MYO1B: variants seen among roughly 807,000 people sequenced by gnomAD.
MYO1B encodes myosin IB.
A neutral mutation model predicts 159.7 loss-of-function variants in MYO1B; 72 were observed. The ratio of observed to expected loss-of-function variants is 0.45; its 90% CI spans 0.37 to 0.55. The LOEUF (loss-of-function observed/expected upper bound fraction) is 0.55, where lower values mean the gene tolerates loss of function less well. Among genes scored for constraint, MYO1B ranks in the 20% least tolerant of loss-of-function variants. MYO1B has a pLI of 0.00. For synonymous variants in MYO1B, 468 were observed against 473.8 expected (o/e 0.99, Z 0.16); for missense variants, 1,062 against 1,364.8 (o/e 0.78, Z 3.50).
At chr2:191,253,628 A>G (rs973138321) in intron 1 of MYO1B, among the ~76,000 whole-genome samples, 1 of 152,220 alleles carries the variant, frequency 6.6e-6, no homozygotes, top group Non-Finnish European at 1.5e-5. Context: ...GTAACCTTAC[A>G]CATTCATATG....
chr2:191,381,414 G>C (rs371336241), intron 13 of MYO1B, 48 bp from the exon 14 acceptor site: 2 of 1,273,578 alleles, frequency 1.6e-6, no homozygotes, highest in Admixed American at 3.4e-5. Flanking sequence ...TGTTTTGAGA[G>C]AGCTAGTGGC....
chr2:191,326,406 A>C (rs1691070440), intron 3 of MYO1B, among the ~76,000 whole-genome samples: 1 of 152,026 alleles, frequency 6.6e-6, no homozygotes. Flanking sequence ...TTTTTTAAAG[A>C]AATTGAAGAT....
intron 21 of MYO1B, among the ~76,000 whole-genome samples, chr2:191,397,752 C>A (rs1696225058): frequency 6.9e-6 from 1 of 145,644 alleles, no homozygotes; most frequent in African/African-American, 2.6e-5. Flanking sequence ...GGGCTCCTCA[C>A]TTCCCAGTAG....
At chr2:191,381,441 T>G in intron 13 of MYO1B, 21 bp from the exon 14 acceptor site, 1 of 1,579,572 alleles carries the variant, frequency 6.3e-7, no homozygotes, top group Non-Finnish European at 8.7e-7. Flanking sequence ...TATAAAGCTG[T>G]TTTTCATTTT....
intron 4 of MYO1B, among the ~76,000 whole-genome samples, chr2:191,336,782 C>G (rs1407591658): frequency 1.3e-5 from 2 of 152,132 alleles, no homozygotes; most frequent in Admixed American, 6.5e-5. Flanking sequence ...TTGATTTAGG[C>G]ATTCACTCTT....
At position 191,264,420 on chromosome 2, in the gene MYO1B, G is replaced by A. The variant is rs542896039; in HGVS notation, c.-9-12467G>A. ...ATGAAGGCATTACCAAAGCTTCACT[G>A]TTGAGTGATGCATATTTTTTCCCCT... is the stretch of plus-strand genomic sequence containing the variant. On this transcript the variant is annotated intron_variant, in intron 1 of 30. Coordinates refer to ENST00000392318, the MANE Select transcript of MYO1B (RefSeq NM_001130158.3). 4.6e-5 allele frequency among the ~76,000 whole-genome samples: 7 copies of A among 151,574 alleles called. No homozygotes were observed. The South Asian group carries it at 1.2e-3, about 27-fold the overall frequency.
intron 2 of MYO1B, among the ~76,000 whole-genome samples, chr2:191,279,130 A>G (rs1270253774): frequency 6.6e-6 from 1 of 152,222 alleles, no homozygotes; most frequent in Non-Finnish European, 1.5e-5. Flanking sequence ...CTTTGTGTTT[A>G]TAAAACAAAA....
intron 3 of MYO1B, among the ~76,000 whole-genome samples, chr2:191,326,780 G>A (rs919671585): frequency 8.6e-4 from 118 of 137,596 alleles, no homozygotes; most frequent in African/African-American, 3.8e-3. Flanking sequence ...ATGTGTGTGT[G>A]TGTGTGTGTG....
At chr2:191,414,457 A>C in intron 28 of MYO1B, 60 bp from the exon 29 acceptor site, 9 of 1,483,766 alleles carry the variant, frequency 6.1e-6, no homozygotes, top group Non-Finnish European at 8.1e-6. Flanking sequence ...CCTTAAACTC[A>C]TGGACCATTT....
At chr2:191,253,683 C>G (rs528416500) in intron 1 of MYO1B, among the ~76,000 whole-genome samples, 1 of 152,156 alleles carries the variant, frequency 6.6e-6, no homozygotes, top group Non-Finnish European at 1.5e-5. Flanking sequence ...TCCATATTTG[C>G]GTCAGTTGAC....
intron 2 of MYO1B, among the ~76,000 whole-genome samples, chr2:191,293,399 C>T (rs1402128537): frequency 6.6e-6 from 1 of 152,116 alleles, no homozygotes; most frequent in African/African-American, 2.4e-5. Context: ...AGAGAGGGTT[C>T]TTGGATCTCA....
chr2:191,310,068 A>G (rs1034020376), intron 3 of MYO1B, among the ~76,000 whole-genome samples: 7 of 152,226 alleles, frequency 4.6e-5, no homozygotes, highest in Non-Finnish European at 8.8e-5. Context: ...AGGATTGTCC[A>G]TTCTAGTTGT....
intron 5 of MYO1B, among the ~76,000 whole-genome samples, chr2:191,343,369 C>A (rs1483839719): frequency 6.6e-6 from 1 of 152,176 alleles, no homozygotes; most frequent in African/African-American, 2.4e-5. Context: ...TTCAGAGAGG[C>A]TCCCGAACAC....
At chr2:191,384,948 G>T (rs1695314894) in intron 15 of MYO1B, among the ~76,000 whole-genome samples, 1 of 152,148 alleles carries the variant, frequency 6.6e-6, no homozygotes, top group Non-Finnish European at 1.5e-5. Context: ...GAGAGTCCAC[G>T]CTTCCCCAGG....
At chr2:191,412,639 C>A (rs1410379393) in intron 27 of MYO1B, among the ~76,000 whole-genome samples, 8 of 152,184 alleles carry the variant, frequency 5.3e-5, no homozygotes, top group Non-Finnish European at 1.2e-4. Context: ...TATCCTCCAC[C>A]CACAACATAA....
At chr2:191,353,843 T>C (rs1360038058) in intron 7 of MYO1B, among the ~76,000 whole-genome samples, 2 of 152,236 alleles carry the variant, frequency 1.3e-5, no homozygotes, top group Admixed American at 1.3e-4. Flanking sequence ...GAGCACTCAA[T>C]AAATATTTGC....
chr2:191,382,755 T>C (rs1328538029), intron 14 of MYO1B, among the ~76,000 whole-genome samples: 1 of 152,214 alleles, frequency 6.6e-6, no homozygotes, highest in Admixed American at 6.5e-5. Context: ...TGTCTTTCCT[T>C]ATGTTGAAAA....
In MYO1B at chr2:191,260,254, C is replaced by CTTTT. The variant is rs57237733; in HGVS notation, c.-10+14638_-10+14641dup. ...TAATATTACTTTTTTCCCAGATAGGCTTTTTTTTTTTTTGAATTAAAGCTA... is the reference window on the plus strand; with the variant it reads ...TAATATTACTTTTTTCCCAGATAGGCTTTTTTTTTTTTTTTTTGAATTAAAGCTA... On this transcript the variant is annotated intron_variant, in intron 1 of 30. Transcript: ENST00000392318. Among the ~76,000 whole-genome samples the CTTTT allele has an allele frequency of 4.6e-4, 28 of 61,006 alleles. 7 individuals are homozygous for CTTTT. The highest frequency in any genetic ancestry group is 2.1e-3 in the Admixed American group (7 of 3,304). The allele number at this position is 61,006 out of a possible 152,430, so 40.0% of individuals were successfully genotyped here.
intron 3 of MYO1B, among the ~76,000 whole-genome samples, chr2:191,320,632 A>G (rs1690647938): frequency 6.6e-6 from 1 of 152,108 alleles, no homozygotes; most frequent in South Asian, 2.1e-4. Context: ...GTTTTCCTAA[A>G]CATGAATAGA....
Sources: allele counts gnomAD v4.1 joint callset (sites outside exome capture counted in the v4.1 genomes callset), GRCh38; gene constraint gnomAD v4.1.1; transcripts MANE v1.5; gene names NCBI Gene and HGNC (gene_info 2026-07-23, HGNC 2026-07-21).